The following VEPH1 variants were observed in gnomAD, a reference collection of about 807,000 sequenced individuals.
VEPH1 encodes the protein ventricular zone expressed PH domain containing 1.
In VEPH1, 80 loss-of-function variants were observed where a neutral mutation model predicts 85.2. The ratio of observed to expected loss-of-function variants is 0.94; its 90% CI spans 0.78 to 1.13. VEPH1 has a LOEUF of 1.13. Among genes scored for constraint, VEPH1 ranks in the 50% most tolerant of loss-of-function variants. VEPH1 has a pLI of 0.00. For missense variants in VEPH1, 955 were observed against 980.5 expected (o/e 0.97, Z 0.35); for synonymous variants, 297 against 348.0 (o/e 0.85, Z 1.63).
At chr3:157,415,092 C>T (rs1470678995) in intron 5 of VEPH1, 1 of 152,242 alleles carries the variant, frequency 6.6e-6, no homozygotes, top group Admixed American at 6.6e-5. Flanking sequence ...CCATTATCCA[C>T]CTGGCTACTC....
Position 157,363,558 on chromosome 3 carries a change from A to G in VEPH1, c.1541T>C (p.Ile514Thr), listed in dbSNP as rs1726291770. The change falls in exon 9 of 14, where the codon ATA becomes ACA. Residue 514 changes from isoleucine to threonine, a missense_variant. Ile to Thr is a moderately conservative substitution (Grantham distance 89). Coordinates refer to ENST00000362010, the MANE Select transcript of VEPH1 (RefSeq NM_001167912.2). Reference sequence around the variant, plus strand: ...TGACAAATTCTCTGAGTCTATATGTATAATATTTGGGTATGAAACTGAAGA... The same window carrying G: ...TGACAAATTCTCTGAGTCTATATGTGTAATATTTGGGTATGAAACTGAAGA... ...GESSVSYPNI[I>T]HIDSENLSET... The G allele has an allele frequency of 1.9e-6, 3 of 1,614,104 alleles. No individual in the cohort carries two copies. The highest frequency in any genetic ancestry group is 1.7e-6 in the Non-Finnish European group (2 of 1,180,012).
At chr3:157,445,257 C>A (rs1734456267) in intron 4 of VEPH1, among the ~76,000 whole-genome samples, 1 of 152,160 alleles carries the variant, frequency 6.6e-6, no homozygotes, top group Non-Finnish European at 1.5e-5. Context: ...GAAAAATATA[C>A]TTTTGTCGTG....
intron 9 of VEPH1, among the ~76,000 whole-genome samples, chr3:157,349,828 G>A (rs1305877906): frequency 6.6e-6 from 1 of 152,132 alleles, no homozygotes; most frequent in Non-Finnish European, 1.5e-5. Context: ...AGAGGTGGAA[G>A]ACTTCTACAA....
intron 5 of VEPH1, among the ~76,000 whole-genome samples, chr3:157,417,387 C>A (rs35826850): frequency 0.12 from 18,392 of 152,106 alleles, 1,313 homozygotes; most frequent in South Asian, 0.27. Context: ...AGGCTGTAAA[C>A]CATGGACAGC....
intron 6 of VEPH1, among the ~76,000 whole-genome samples, chr3:157,409,273 T>C (rs567197555): frequency 6.6e-6 from 1 of 152,250 alleles, no homozygotes; most frequent in South Asian, 2.1e-4. Context: ...TTTTGCTGTG[T>C]TTTGGACATA....
At chr3:157,357,900 G>A (rs1470362213) in intron 9 of VEPH1, among the ~76,000 whole-genome samples, 1 of 152,164 alleles carries the variant, frequency 6.6e-6, no homozygotes, top group Non-Finnish European at 1.5e-5. Context: ...GAGAAATAAA[G>A]TTATGTTATG....
At chr3:157,286,431 T>C in intron 12 of VEPH1, 126 bp downstream of exon 12, 1 of 776,038 alleles carries the variant, frequency 1.3e-6, no homozygotes. Flanking sequence ...AGCAGGGACA[T>C]GACTCTGTGC....
intron 7 of VEPH1, among the ~76,000 whole-genome samples, chr3:157,366,216 A>C (rs1179376450): frequency 1.3e-5 from 2 of 152,192 alleles, no homozygotes; most frequent in Admixed American, 1.3e-4. Context: ...ATCCCTAGAA[A>C]TATATTCACC....
intron 9 of VEPH1, among the ~76,000 whole-genome samples, chr3:157,348,052 G>A (rs1724437668): frequency 6.6e-6 from 1 of 152,162 alleles, no homozygotes; most frequent in Non-Finnish European, 1.5e-5. Context: ...GCTGTGTGGA[G>A]CCTGGGCTGG....
At chr3:157,384,057 C>G (rs924957263) in intron 6 of VEPH1, among the ~76,000 whole-genome samples, 3 of 152,144 alleles carry the variant, frequency 2.0e-5, no homozygotes, top group Non-Finnish European at 4.4e-5. Context: ...AGGAACATAT[C>G]ACTGAAGAAA....
chr3:157,287,362 G>A (rs1716910420), intron 11 of VEPH1, among the ~76,000 whole-genome samples: 1 of 151,274 alleles, frequency 6.6e-6, no homozygotes, highest in Admixed American at 6.6e-5. Flanking sequence ...GTGACAGAGT[G>A]AGACCCTGTC....
At chr3:157,373,148 G>T (rs1560005447) in intron 7 of VEPH1, among the ~76,000 whole-genome samples, 2 of 152,146 alleles carry the variant, frequency 1.3e-5, no homozygotes, top group South Asian at 2.1e-4. Flanking sequence ...CACACTTAAG[G>T]TCACTTAGCT....
intron 4 of VEPH1, among the ~76,000 whole-genome samples, chr3:157,438,753 T>A (rs1188561699): frequency 1.3e-5 from 2 of 152,164 alleles, no homozygotes; most frequent in Non-Finnish European, 2.9e-5. Context: ...AAATAATACA[T>A]TCTAAAGATG....
intron 6 of VEPH1, among the ~76,000 whole-genome samples, chr3:157,411,633 T>C (rs1172817012): frequency 6.6e-6 from 1 of 152,208 alleles, no homozygotes; most frequent in African/African-American, 2.4e-5. Flanking sequence ...GCTCCTCACG[T>C]AATCCTGATA....
chr3:157,364,326 T>C lies in VEPH1; in HGVS notation c.1314A>G (p.Glu438=). ...ACCTGTTAAATCTAATGTTTTTTCT[T>C]TCTTCTTTAGAAACTTGGCCCAGAC... ...RYSLGQVSKE[E]RKNIRFNRSK... The change falls in exon 8 of 14, where the codon GAA becomes GAG. Residue 438 remains glutamate, a synonymous_variant. Transcript: ENST00000362010. The C allele has an allele frequency of 6.2e-7, 1 of 1,612,688 alleles. No homozygotes were observed. Among genetic ancestry groups the C allele is most frequent in the African/African-American group, 1.3e-5 (1 of 74,984 alleles).
At chr3:157,399,878 T>A (rs958426188) in intron 6 of VEPH1, among the ~76,000 whole-genome samples, 4 of 152,150 alleles carry the variant, frequency 2.6e-5, no homozygotes, top group African/African-American at 9.6e-5. Context: ...AGGTAGATAA[T>A]TCTCCAACTT....
At chr3:157,324,427 G>C (rs185344060) in intron 9 of VEPH1, among the ~76,000 whole-genome samples, 1 of 152,154 alleles carries the variant, frequency 6.6e-6, no homozygotes, top group Admixed American at 6.6e-5. Context: ...TTGCTGCAGA[G>C]GTCATCCCAT....
chr3:157,442,315 G>A, intron 4 of VEPH1: 3 of 1,410,340 alleles, frequency 2.1e-6, no homozygotes, highest in Non-Finnish European at 2.9e-6. Context: ...GAATAATTCT[G>A]AATTAATTTA....
At chr3:157,494,536 A>G (rs149239798) in intron 2 of VEPH1, among the ~76,000 whole-genome samples, 49 of 152,280 alleles carry the variant, frequency 3.2e-4, no homozygotes, top group African/African-American at 1.1e-3. Context: ...AAGAGAAGCG[A>G]AGGAATGCAA....
Sources: allele counts gnomAD v4.1 joint callset (sites outside exome capture counted in the v4.1 genomes callset), GRCh38; gene constraint gnomAD v4.1.1; transcripts MANE v1.5; gene names NCBI Gene and HGNC (gene_info 2026-07-23, HGNC 2026-07-21).